ANXA13: variants seen among roughly 807,000 people sequenced by gnomAD.
ANXA13 encodes the protein annexin XIII.
Under a neutral mutation model 46.6 loss-of-function variants are expected in ANXA13, and 36 were observed. That is an observed-to-expected ratio of 0.77 (90% CI 0.59 to 1.02). ANXA13 has a LOEUF of 1.02. ANXA13 is among the 50% of genes least tolerant of loss of function. The pLI is 0.00. For synonymous variants in ANXA13, 163 were observed against 152.9 expected (o/e 1.07, Z -0.49); for missense variants, 417 against 396.5 (o/e 1.05, Z -0.44).
At chr8:123,701,301 T>C (rs2129866227) in intron 3 of ANXA13, among the ~76,000 whole-genome samples, 1 of 152,016 alleles carries the variant, frequency 6.6e-6, no homozygotes, top group East Asian at 2.0e-4. Flanking sequence ...AATACAAAAA[T>C]TTTACTAAAA....
At chr8:123,711,595 A>G (rs1586328981) in intron 2 of ANXA13, 1 of 149,546 alleles carries the variant, frequency 6.7e-6, no homozygotes, top group Admixed American at 6.7e-5. Context: ...TTGGCCAGTT[A>G]CTCACTTGAT....
chr8:123,731,649 G>A (rs941902390), intron 1 of ANXA13, among the ~76,000 whole-genome samples: 1 of 152,084 alleles, frequency 6.6e-6, no homozygotes, highest in Non-Finnish European at 1.5e-5. Flanking sequence ...TGAGGTTGGA[G>A]GATTCTTGAG....
chr8:123,684,813 G>T (rs546168899), intron 9 of ANXA13, 91 bp from the exon 10 acceptor site: 41 of 867,364 alleles, frequency 4.7e-5, no homozygotes, highest in Non-Finnish European at 7.4e-5. Flanking sequence ...GCTGCCCTTC[G>T]AGCTGACTGG....
chr8:123,696,971 A>T (rs1375532806), intron 4 of ANXA13, among the ~76,000 whole-genome samples: 3 of 152,216 alleles, frequency 2.0e-5, no homozygotes, highest in African/African-American at 7.2e-5. Context: ...GTGCAGTGGC[A>T]CAATCTTGGC....
chr8:123,696,505 C>G (rs1409164726), intron 4 of ANXA13, among the ~76,000 whole-genome samples: 3 of 152,276 alleles, frequency 2.0e-5, no homozygotes, highest in African/African-American at 7.2e-5. Flanking sequence ...TCAGGAGCTG[C>G]CTCAGTTTAC....
chr8:123,735,844 G>T lies in ANXA13; in HGVS notation c.15+1476C>A. ...GGTTGGGAGTCCCCTTTAGGCAACT[G>T]TTGACTGCCTTCTGAGAGGGTGTAC... is the stretch of plus-strand genomic sequence containing the variant. On this transcript the variant is annotated intron_variant, in intron 1 of 10. Coordinates refer to ENST00000419625, the MANE Select transcript of ANXA13 (RefSeq NM_004306.4). 1.2e-6 allele frequency: 2 copies of T among 1,611,950 alleles called. No homozygotes were observed. Among genetic ancestry groups the T allele is most frequent in the South Asian group, 1.1e-5 (1 of 90,580 alleles).
intron 1 of ANXA13, among the ~76,000 whole-genome samples, chr8:123,736,752 C>T (rs982854417): frequency 6.6e-6 from 1 of 151,356 alleles, no homozygotes; most frequent in African/African-American, 2.4e-5. Flanking sequence ...TTGCTCTCTG[C>T]AAGGCACTAT....
intron 1 of ANXA13, among the ~76,000 whole-genome samples, chr8:123,712,970 G>A (rs1290484118): frequency 6.6e-6 from 1 of 152,320 alleles, no homozygotes; most frequent in East Asian, 1.9e-4. Flanking sequence ...ATGACCAGGA[G>A]AATGGGCCCC....
chr8:123,723,706 A>T (rs1813930574), intron 1 of ANXA13, among the ~76,000 whole-genome samples: 1 of 151,864 alleles, frequency 6.6e-6, no homozygotes, highest in African/African-American at 2.4e-5. Flanking sequence ...CACACCACTG[A>T]CTCTTTTGTT....
At chr8:123,718,996 T>C (rs1037841136) in intron 1 of ANXA13, among the ~76,000 whole-genome samples, 8 of 152,176 alleles carry the variant, frequency 5.3e-5, no homozygotes, top group Non-Finnish European at 7.3e-5. Context: ...GTCTTAACTC[T>C]TATAATAGAA....
chr8:123,728,308 GT>G (rs1372860530), intron 1 of ANXA13: 7 of 152,226 alleles, frequency 4.6e-5, no homozygotes, highest in Admixed American at 3.3e-4. Flanking sequence ...AATTACCACT[GT>G]ATTGCATCAA....
At chr8:123,730,258 T>C (rs1414769507) in intron 1 of ANXA13, among the ~76,000 whole-genome samples, 2 of 152,202 alleles carry the variant, frequency 1.3e-5, no homozygotes, top group African/African-American at 2.4e-5. Flanking sequence ...GTTACTCCCT[T>C]GTCTGATTCT....
At chr8:123,722,464 G>A (rs773976737) in intron 1 of ANXA13, among the ~76,000 whole-genome samples, 6 of 151,998 alleles carry the variant, frequency 3.9e-5, no homozygotes, top group Non-Finnish European at 4.4e-5. Flanking sequence ...AGACTTGTCC[G>A]GTGACCAGAG....
At chr8:123,735,700 C>G in intron 1 of ANXA13, 1 of 1,533,000 alleles carries the variant, frequency 6.5e-7, no homozygotes, top group Non-Finnish European at 8.8e-7. Context: ...TCATATTGGC[C>G]CCATGACAGA....
chr8:123,696,267 C>A (rs1214280128), intron 4 of ANXA13, among the ~76,000 whole-genome samples: 1 of 152,088 alleles, frequency 6.6e-6, no homozygotes, highest in Non-Finnish European at 1.5e-5. Flanking sequence ...TGGATAGTCA[C>A]CTAGAGTTTT....
chr8:123,725,930 G>A (rs751041388), intron 1 of ANXA13, among the ~76,000 whole-genome samples: 27 of 152,166 alleles, frequency 1.8e-4, no homozygotes, highest in Non-Finnish European at 3.4e-4. Flanking sequence ...TAGGGTGCTG[G>A]AATGTTACAG....
chr8:123,702,483 T>C (rs532534733), intron 3 of ANXA13, among the ~76,000 whole-genome samples, 159 bp downstream of exon 3: 1 of 152,360 alleles, frequency 6.6e-6, no homozygotes, highest in East Asian at 1.9e-4. Flanking sequence ...TTTCAGTTTT[T>C]CTGAACTCCA....
At chr8:123,708,535 C>A (rs1413529978) in intron 2 of ANXA13, among the ~76,000 whole-genome samples, 1 of 152,190 alleles carries the variant, frequency 6.6e-6, no homozygotes. Flanking sequence ...TGCTGGGCCG[C>A]GCAGTCCCTC....
chr8:123,709,495 G>T (rs1299743500), intron 2 of ANXA13, among the ~76,000 whole-genome samples: 2 of 150,930 alleles, frequency 1.3e-5, no homozygotes, highest in African/African-American at 4.9e-5. Flanking sequence ...ATTTATTCAA[G>T]AATTCTTAAC....
Sources: allele counts gnomAD v4.1 joint callset (sites outside exome capture counted in the v4.1 genomes callset), GRCh38; gene constraint gnomAD v4.1.1; transcripts MANE v1.5; gene names NCBI Gene and HGNC (gene_info 2026-07-23, HGNC 2026-07-21).